The following FRMD4B variants were observed in gnomAD, a reference collection of about 807,000 sequenced individuals.
FRMD4B encodes FERM domain-containing protein 4B.
Under a neutral mutation model 141.5 loss-of-function variants are expected in FRMD4B, and 74 were observed. The observed-to-expected ratio is 0.52, with a 90% CI of 0.43 to 0.63. FRMD4B has a LOEUF of 0.63. Among genes scored for constraint, FRMD4B ranks in the 30% least tolerant of loss-of-function variants. The probability of loss-of-function intolerance (pLI) is 0.00; values close to 1 mark genes in which losing one functional copy is unlikely to be tolerated. For synonymous variants in FRMD4B, 506 were observed against 467.9 expected, an observed-to-expected ratio of 1.08 and a Z score of -1.05; for missense variants, 1,366 against 1,253.4, an observed-to-expected ratio of 1.09 and a Z score of -1.36.
intron 1 of FRMD4B, among the ~76,000 whole-genome samples, chr3:69,378,673 T>A (rs546221227): frequency 6.6e-6 from 1 of 152,248 alleles, no homozygotes; most frequent in East Asian, 1.9e-4. Context: ...CCAGTGGTAT[T>A]TCTAAATCAA....
At chr3:69,300,225 T>C (rs1701171188) in intron 4 of FRMD4B, among the ~76,000 whole-genome samples, 1 of 152,216 alleles carries the variant, frequency 6.6e-6, no homozygotes, top group African/African-American at 2.4e-5. Flanking sequence ...TTTTCCTTTA[T>C]CATTTCCTTA....
chr3:69,385,869 G>C lies in FRMD4B; in HGVS notation c.121C>G (p.Gln41Glu). 1 of 1,599,070 alleles carries C rather than the reference G, an allele frequency of 6.3e-7. No individual in the cohort carries two copies. The highest frequency in any genetic ancestry group is 8.5e-7 in the Non-Finnish European group (1 of 1,173,582). The change falls in exon 1 of 23, where the codon CAG becomes GAG. Residue 41 changes from glutamine (Q) to glutamate (E), a missense_variant. By Grantham distance (29) the Gln-to-Glu change is conservative (BLOSUM62 2). Transcript: ENST00000398540. ...AGCCCGCACCACGTCCGCAGCACCT[G>C]GTGGCAAGCCCGCAGCCTCTCCGTG... is the stretch of plus-strand genomic sequence containing the variant. Reference protein sequence around the residue: ...WYTERLRACHQVLRTWCGLQD... With the variant: ...WYTERLRACHEVLRTWCGLQD...
chr3:69,349,252 A>C (rs1195154967), intron 1 of FRMD4B, among the ~76,000 whole-genome samples: 1 of 152,226 alleles, frequency 6.6e-6, no homozygotes, highest in Non-Finnish European at 1.5e-5. Context: ...AATACCTAGG[A>C]ATCCAACTTA....
At chr3:69,173,569 T>C (rs1222100134) in intron 22 of FRMD4B, among the ~76,000 whole-genome samples, 1 of 152,206 alleles carries the variant, frequency 6.6e-6, no homozygotes, top group Admixed American at 6.5e-5. Flanking sequence ...TTAGAGCAAA[T>C]TTATAAAGCT....
intron 1 of FRMD4B, among the ~76,000 whole-genome samples, chr3:69,539,840 AGT>A (rs147346385): frequency 0.018 from 2,653 of 150,814 alleles, 89 homozygotes; most frequent in African/African-American, 0.06. Flanking sequence ...GTGTTCAAAC[AGT>A]GTGTGTGTGT....
intron 1 of FRMD4B, among the ~76,000 whole-genome samples, chr3:69,438,010 T>TA (rs1175382678): frequency 1.5e-5 from 2 of 135,186 alleles, no homozygotes; most frequent in African/African-American, 2.8e-5. Context: ...ATAATACTGT[T>TA]ATATATACTA....
intron 2 of FRMD4B, among the ~76,000 whole-genome samples, chr3:69,398,767 A>T (rs2106744937): frequency 6.6e-6 from 1 of 152,298 alleles, no homozygotes; most frequent in East Asian, 1.9e-4. Context: ...AGTCCTTTTC[A>T]TCTTAACCCC....
At chr3:69,471,386 T>G (rs550469871) in intron 1 of FRMD4B, 1 of 224,454 alleles carries the variant, frequency 4.5e-6, no homozygotes, top group African/African-American at 2.3e-5. Flanking sequence ...GCCTCACTCA[T>G]GGCAACGGTC....
intron 1 of FRMD4B, among the ~76,000 whole-genome samples, chr3:69,354,784 A>G (rs1205896508): frequency 6.6e-6 from 1 of 152,170 alleles, no homozygotes; most frequent in Non-Finnish European, 1.5e-5. Flanking sequence ...TCTAATTACT[A>G]TGACCACAAT....
intron 1 of FRMD4B, among the ~76,000 whole-genome samples, chr3:69,540,356 T>C (rs1026949950): frequency 2.2e-4 from 33 of 151,858 alleles, no homozygotes; most frequent in African/African-American, 7.7e-4. Context: ...GGCTCACCCC[T>C]GTAATCCCAG....
intron 2 of FRMD4B, among the ~76,000 whole-genome samples, chr3:69,408,881 C>A (rs1057036410): frequency 8.6e-5 from 13 of 151,994 alleles, no homozygotes; most frequent in Admixed American, 3.9e-4. Context: ...TTTAGAGAGG[C>A]CAGTGAGAAA....
At chr3:69,363,061 C>T (rs2107469357) in intron 1 of FRMD4B, among the ~76,000 whole-genome samples, 1 of 151,850 alleles carries the variant, frequency 6.6e-6, no homozygotes, top group South Asian at 2.1e-4. Context: ...TCAGTATCTC[C>T]AGGTAGGGCA....
At chr3:69,322,421 A>G (rs755601007) in intron 1 of FRMD4B, among the ~76,000 whole-genome samples, 2 of 152,092 alleles carry the variant, frequency 1.3e-5, no homozygotes, top group Non-Finnish European at 2.9e-5. Context: ...TACCCTCCCA[A>G]TGTGCAATCA....
intron 2 of FRMD4B, among the ~76,000 whole-genome samples, chr3:69,416,941 C>A (rs1704877484): frequency 6.6e-6 from 1 of 152,112 alleles, no homozygotes; most frequent in Non-Finnish European, 1.5e-5. Context: ...TTTCTTTATC[C>A]AGTCTATCAG....
intron 1 of FRMD4B, among the ~76,000 whole-genome samples, chr3:69,349,733 C>T (rs899860888): frequency 7.9e-5 from 12 of 152,210 alleles, no homozygotes; most frequent in Non-Finnish European, 1.5e-4. Flanking sequence ...AAAGGATTCC[C>T]TATTTAATAA....
At chr3:69,529,086 G>A (rs1700976824) in intron 1 of FRMD4B, among the ~76,000 whole-genome samples, 1 of 152,154 alleles carries the variant, frequency 6.6e-6, no homozygotes, top group South Asian at 2.1e-4. Context: ...ACCATGGCCA[G>A]GGCAAAGATG....
intron 1 of FRMD4B, among the ~76,000 whole-genome samples, chr3:69,515,303 G>T (rs556001844): frequency 7.2e-5 from 11 of 152,124 alleles, no homozygotes; most frequent in African/African-American, 2.7e-4. Flanking sequence ...CACCTCCTAC[G>T]TCGGGGATTA....
At chr3:69,366,295 GACA>G (rs928363597) in intron 1 of FRMD4B, among the ~76,000 whole-genome samples, 6 of 147,756 alleles carry the variant, frequency 4.1e-5, no homozygotes, top group African/African-American at 7.6e-5. Flanking sequence ...AAAAAAAATT[GACA>G]ACAACTTAAT....
intron 1 of FRMD4B, among the ~76,000 whole-genome samples, chr3:69,512,702 C>A (rs1706708839): frequency 6.6e-6 from 1 of 152,172 alleles, no homozygotes; most frequent in African/African-American, 2.4e-5. Context: ...GACACATGAA[C>A]ACAGCTGATT....
Sources: allele counts gnomAD v4.1 joint callset (sites outside exome capture counted in the v4.1 genomes callset), GRCh38; gene constraint gnomAD v4.1.1; transcripts MANE v1.5; gene names NCBI Gene and HGNC (gene_info 2026-07-23, HGNC 2026-07-21).